ZNF333: variants seen among roughly 807,000 people sequenced by gnomAD.
ZNF333 encodes zinc finger protein 333.
A neutral mutation model predicts 76.1 loss-of-function variants in ZNF333; 61 were observed. That is an observed-to-expected ratio of 0.80 (90% CI 0.65 to 0.99). The LOEUF is 0.99. ZNF333 is among the 50% of genes least tolerant of loss of function. ZNF333 has a pLI of 0.00. For synonymous variants in ZNF333, 284 were observed against 305.0 expected, an observed-to-expected ratio of 0.93 and a Z score of 0.72; for missense variants, 717 against 822.4, an observed-to-expected ratio of 0.87 and a Z score of 1.57.
At chr19:14,724,358 G>C (rs1045273786), downstream of ZNF333, among the ~76,000 whole-genome samples, 1 of 152,196 alleles carries the variant, frequency 6.6e-6, no homozygotes, top group African/African-American at 2.4e-5. Context: ...TTCACTTGGG[G>C]AGCACATGGT....
chr19:14,717,684 T>C lies in ZNF333; in HGVS notation c.851T>C (p.Ile284Thr). ...AEPQCQPQEA[I>T]PSQDTFTEIL... is the part of the protein sequence containing the mutation. ...CCTCAGTGTCAACCCCAAGAGGCAATTCCTAGCCAAGATACTTTTACAGAG... is the reference window on the plus strand; with the variant it reads ...CCTCAGTGTCAACCCCAAGAGGCAACTCCTAGCCAAGATACTTTTACAGAG... The change falls in exon 11 of 12, where the codon ATT becomes ACT. Residue 284 changes from isoleucine (I) to threonine (T), a missense_variant. By Grantham distance (89) the Ile-to-Thr change is moderately conservative (BLOSUM62 -1). Coordinates refer to ENST00000292530, the MANE Select transcript of ZNF333 (RefSeq NM_032433.4). 6.2e-7 allele frequency: 1 copy of C among 1,614,122 alleles called. No homozygotes were observed. The highest frequency in any genetic ancestry group is 1.3e-5 in the African/African-American group (1 of 75,058).
chr19:14,710,034 A>G (rs1469682922), intron 7 of ZNF333, among the ~76,000 whole-genome samples: 1 of 152,130 alleles, frequency 6.6e-6, no homozygotes, highest in Non-Finnish European at 1.5e-5. Context: ...TTCCCCATGG[A>G]GCAGAGAACT....
At chr19:14,729,846 A>G (rs763502234) in intron 11 of ZNF333, among the ~76,000 whole-genome samples, 4 of 152,222 alleles carry the variant, frequency 2.6e-5, no homozygotes, top group Admixed American at 6.5e-5. Context: ...CCCAATGTAT[A>G]CATCCATTAA....
At chr19:14,695,518 C>T (rs754312503) in intron 3 of ZNF333, 48 bp from the exon 4 acceptor site, 5 of 1,564,298 alleles carry the variant, frequency 3.2e-6, no homozygotes, top group South Asian at 2.2e-5. Flanking sequence ...TTTGTTTTCC[C>T]CTGCAAGCCC....
chr19:14,705,240 G>A, intron 6 of ZNF333, 70 bp downstream of exon 6: 2 of 1,383,112 alleles, frequency 1.4e-6, no homozygotes, highest in Non-Finnish European at 2.0e-6. Flanking sequence ...TGGGTTGTCT[G>A]TAAATTGGGG....
At chr19:14,717,160 T>C (rs1374890496) in intron 10 of ZNF333, 71 bp downstream of exon 10, 2 of 1,321,656 alleles carry the variant, frequency 1.5e-6, no homozygotes, top group Admixed American at 2.1e-5. Flanking sequence ...GAAACTGTCT[T>C]ATCAGGGCAA....
downstream of ZNF333, among the ~76,000 whole-genome samples, chr19:14,726,127 C>T (rs62125499): frequency 0.036 from 5,521 of 152,248 alleles, 128 homozygotes; most frequent in Middle Eastern, 0.092. Flanking sequence ...CTGGAACCAC[C>T]AAAGCTTACA....
Position 14,716,159 on chromosome 19 carries a change from A to G in ZNF333, c.648A>G (p.Glu216=), listed in dbSNP as rs1187929222. Residue 216 remains glutamate (E), a synonymous_variant, in exon 9 of 12, where the codon GAA becomes GAG. Transcript: ENST00000292530. ...TGGCTGTGGTGTTCACCCCAGAAGA[A>G]TGGGTGTTTCTGGACTCTACTCAGA... ...ADVAVVFTPE[E]WVFLDSTQRS... 9 of 1,613,962 alleles carry G rather than the reference A, an allele frequency of 5.6e-6. No individual in the cohort carries two copies. Among genetic ancestry groups the G allele is most frequent in the South Asian group, 1.1e-5 (1 of 91,080 alleles).
intron 5 of ZNF333, among the ~76,000 whole-genome samples, chr19:14,701,099 C>T (rs1002874053): frequency 6.6e-6 from 1 of 152,216 alleles, no homozygotes; most frequent in Non-Finnish European, 1.5e-5. Flanking sequence ...AGAACACCCT[C>T]CAGTAGCTCC....
At position 14,705,187 on chromosome 19, in the gene ZNF333, T is replaced by G; in HGVS notation, c.423+17T>G. The G allele has an allele frequency of 1.2e-6, 2 of 1,607,444 alleles. No homozygotes were observed. The highest frequency in any genetic ancestry group is 1.7e-6 in the Non-Finnish European group (2 of 1,176,444). On this transcript the variant is annotated intron_variant, in intron 6 of 11. Coordinates refer to ENST00000292530, the MANE Select transcript of ZNF333 (RefSeq NM_032433.4). ...GGATGCACGGTAAGCCTGGGAGAGG[T>G]TCACTGTGATGGCACCAGGTGCAGT... is the stretch of plus-strand genomic sequence containing the variant.
At position 14,705,142 on chromosome 19, in the gene ZNF333, A is replaced by G. The variant is rs760643125; in HGVS notation, c.395A>G (p.Gln132Arg). ...ACTCGAGAGGACCGGCCAGCTCTCC[A>G]GGAGCCGCCTTGGTCTCTGGGATGC... The part of the protein sequence containing the change: ...PLTREDRPAL[Q>R]EPPWSLGCTG... The change falls in exon 6 of 12, where the codon CAG becomes CGG. Residue 132 changes from glutamine (Q) to arginine (R), a missense_variant. Transcript: ENST00000292530. 6.2e-7 allele frequency: 1 copy of G among 1,613,658 alleles called. No homozygotes were observed. Among genetic ancestry groups the G allele is most frequent in the Non-Finnish European group, 8.5e-7 (1 of 1,179,862 alleles).
exon 12 of ZNF333, chr19:14,732,400 A>G (rs2042679406): frequency 6.6e-6 from 1 of 152,250 alleles, no homozygotes; most frequent in East Asian, 1.9e-4. Context: ...AAAAATGTGT[A>G]TGACTTGCTT....
At chr19:14,711,369 G>A (rs558087630) in intron 7 of ZNF333, among the ~76,000 whole-genome samples, 8 of 152,228 alleles carry the variant, frequency 5.3e-5, no homozygotes, top group South Asian at 4.1e-4. Flanking sequence ...CTGGGTTAAC[G>A]CCTTTCTGCA....
chr19:14,698,171 G>A (rs1180307143), intron 4 of ZNF333, among the ~76,000 whole-genome samples: 1 of 151,428 alleles, frequency 6.6e-6, no homozygotes, highest in African/African-American at 2.4e-5. Flanking sequence ...TCAGGAGTTC[G>A]AGACCAGCCT....
chr19:14,715,368 C>A lies in ZNF333; in HGVS notation c.512-14C>A, dbSNP rs563531221. The A allele has an allele frequency of 3.1e-6, 5 of 1,613,064 alleles. No individual in the cohort carries two copies. Among genetic ancestry groups the A allele is most frequent in the South Asian group, 1.1e-5 (1 of 91,024 alleles). ...CCAGGCACCAACCCTCATGCCTCTT[C>A]CCTTCTCCCCTAGCTGTGCCTGCAC... On this transcript the variant is annotated splice_polypyrimidine_tract_variant and intron_variant, in intron 7 of 11. Transcript: ENST00000292530.
At chr19:14,697,067 A>G (rs796598455) in intron 4 of ZNF333, among the ~76,000 whole-genome samples, 1 of 152,088 alleles carries the variant, frequency 6.6e-6, no homozygotes, top group Non-Finnish European at 1.5e-5. Context: ...TCCAGCTCTC[A>G]ATACTGTTGT....
exon 12 of ZNF333, chr19:14,732,867 C>G (rs2042686768): frequency 6.6e-6 from 1 of 152,168 alleles, no homozygotes; most frequent in South Asian, 2.1e-4. Context: ...TGTTTTCATA[C>G]CACAGTGGTA....
At chr19:14,698,382 A>G (rs1423833344) in intron 4 of ZNF333, among the ~76,000 whole-genome samples, 1 of 147,830 alleles carries the variant, frequency 6.8e-6, no homozygotes, top group South Asian at 2.2e-4. Flanking sequence ...TCAAAAAAAA[A>G]AAAAAAAAAA....
At chr19:14,731,532 G>A (rs2042671530) in exon 12 of ZNF333, 1 of 277,884 alleles carries the variant, frequency 3.6e-6, no homozygotes, top group Non-Finnish European at 6.7e-6. Context: ...GGACCCCCAC[G>A]GTGGAGAGCT....
Sources: gnomAD v4.1 joint callset for allele counts (sites outside exome capture counted in the v4.1 genomes callset) on GRCh38, gnomAD v4.1.1 for gene constraint, MANE v1.5 for transcripts, NCBI Gene and HGNC (gene_info 2026-07-23, HGNC 2026-07-21) for gene names.